The following KCNQ5 variants were observed in gnomAD, a reference collection of about 807,000 sequenced individuals.
The protein encoded by KCNQ5 is potassium voltage-gated channel subfamily Q member 5.
In KCNQ5, 30 loss-of-function variants were observed where a neutral mutation model predicts 98.2. That is an observed-to-expected ratio of 0.31 (90% confidence interval 0.23 to 0.41). KCNQ5 has a LOEUF of 0.41. KCNQ5 is among the 10% of genes least tolerant of loss of function. KCNQ5 has a pLI of 1.00. For synonymous variants in KCNQ5, 458 were observed against 449.4 expected (o/e 1.02, Z -0.24); for missense variants, 835 against 1,182.5 (o/e 0.71, Z 4.31).
intron 1 of KCNQ5, among the ~76,000 whole-genome samples, chr6:72,907,021 A>T (rs191957923): frequency 1.5e-3 from 226 of 152,358 alleles, no homozygotes; most frequent in Non-Finnish European, 2.6e-3. Context: ...CTTGTAGTCA[A>T]TGACTGTCAC....
At chr6:73,011,185 A>T (rs1203788510) in intron 2 of KCNQ5, among the ~76,000 whole-genome samples, 1 of 152,118 alleles carries the variant, frequency 6.6e-6, no homozygotes. Flanking sequence ...TATTTAAGCT[A>T]CAGTAATCAA....
At chr6:72,860,866 TG>T (rs1777738250) in intron 1 of KCNQ5, among the ~76,000 whole-genome samples, 1 of 151,440 alleles carries the variant, frequency 6.6e-6, no homozygotes, top group Admixed American at 6.6e-5. Context: ...TGTGTGTGTG[TG>T]TGTGTGTATG....
At chr6:73,175,330 A>G (rs1440197633) in intron 11 of KCNQ5, among the ~76,000 whole-genome samples, 43 of 152,050 alleles carry the variant, frequency 2.8e-4, no homozygotes, top group Non-Finnish European at 5.9e-5. Context: ...TTGTATTTTT[A>G]GTAGAGACAG....
intron 3 of KCNQ5, among the ~76,000 whole-genome samples, chr6:73,051,998 G>A (rs1772265644): frequency 6.6e-6 from 1 of 152,156 alleles, no homozygotes. Flanking sequence ...TTACAACAAA[G>A]TGATACAGGA....
intron 1 of KCNQ5, among the ~76,000 whole-genome samples, chr6:72,985,092 G>C (rs1002569886): frequency 6.6e-6 from 1 of 152,200 alleles, no homozygotes; most frequent in Non-Finnish European, 1.5e-5. Context: ...GGTAGTCCTA[G>C]ATACTTGGGA....
intron 3 of KCNQ5, among the ~76,000 whole-genome samples, chr6:73,059,243 C>T (rs1474654763): frequency 1.3e-5 from 2 of 152,106 alleles, no homozygotes; most frequent in Admixed American, 6.5e-5. Flanking sequence ...TAAAAAAGAA[C>T]AAGATCATGT....
At chr6:73,099,587 G>A (rs1774674027) in intron 5 of KCNQ5, among the ~76,000 whole-genome samples, 1 of 152,076 alleles carries the variant, frequency 6.6e-6, no homozygotes, top group Non-Finnish European at 1.5e-5. Context: ...GACAAGGAAG[G>A]TCATTATATA....
At chr6:73,001,411 A>G (rs1272371568) in intron 1 of KCNQ5, among the ~76,000 whole-genome samples, 1 of 152,234 alleles carries the variant, frequency 6.6e-6, no homozygotes, top group African/African-American at 2.4e-5. Context: ...ACTGTACCAA[A>G]GGCTACCAGC....
At chr6:72,803,652 A>T (rs1774781083) in intron 1 of KCNQ5, among the ~76,000 whole-genome samples, 1 of 152,058 alleles carries the variant, frequency 6.6e-6, no homozygotes, top group Non-Finnish European at 1.5e-5. Flanking sequence ...AAGAAAAAAT[A>T]CTCCTAATAT....
At chr6:72,658,578 A>ATATATATTTTTTTTT (rs1226386362) in intron 1 of KCNQ5, among the ~76,000 whole-genome samples, 16 of 76,368 alleles carry the variant, frequency 2.1e-4, no homozygotes, top group African/African-American at 7.0e-4. Context: ...ATATATATAT[A>ATATATATTTTTTTTT]TTTTTTTTTT....
rs2098925726 is a variant in KCNQ5, at chr6:72,638,984, AAGCAAGTGTGACTGTGACCACGCAGAAGT to A, written c.398+16398_398+16426del. Among the ~76,000 whole-genome samples the A allele has an allele frequency of 2.0e-5, 3 of 152,202 alleles. No homozygotes were observed. In the South Asian group the frequency reaches 6.2e-4, roughly 32 times the overall value. ...AAAGAATCAAAATGTTCTTGGTTCC[AAGCAAGTGTGACTGTGACCACGCAGAAGT>A]TACTCAATTCTGTTTTAGGTAAAGA... On this transcript the variant is annotated intron_variant, in intron 1 of 13. Coordinates refer to ENST00000370398, the MANE Select transcript of KCNQ5 (RefSeq NM_019842.4).
intron 1 of KCNQ5, among the ~76,000 whole-genome samples, chr6:72,686,914 C>G (rs955518970): frequency 2.6e-5 from 4 of 151,922 alleles, no homozygotes; most frequent in Non-Finnish European, 5.9e-5. Context: ...GAACATATCT[C>G]AAAAAGTCAT....
chr6:72,995,526 AT>A (rs1769255568), intron 1 of KCNQ5, among the ~76,000 whole-genome samples: 1 of 152,170 alleles, frequency 6.6e-6, no homozygotes, highest in South Asian at 2.1e-4. Flanking sequence ...AAATGTCTTG[AT>A]TTCAGCAAAG....
intron 2 of KCNQ5, among the ~76,000 whole-genome samples, chr6:73,036,856 G>T (rs1205136202): frequency 6.6e-6 from 1 of 152,094 alleles, no homozygotes; most frequent in Non-Finnish European, 1.5e-5. Context: ...TCTCTGACAC[G>T]AATGCCCAAG....
At chr6:72,941,028 G>A (rs982267568) in intron 1 of KCNQ5, among the ~76,000 whole-genome samples, 1 of 152,098 alleles carries the variant, frequency 6.6e-6, no homozygotes, top group East Asian at 1.9e-4. Flanking sequence ...GTCGAGTGGG[G>A]TCTTATTAAA....
At chr6:72,767,306 C>T (rs1772624228) in intron 1 of KCNQ5, among the ~76,000 whole-genome samples, 1 of 151,904 alleles carries the variant, frequency 6.6e-6, no homozygotes, top group African/African-American at 2.4e-5. Context: ...TGAAATTGGA[C>T]CCTTACCTCA....
At chr6:73,088,848 T>A (rs1774106998) in intron 5 of KCNQ5, among the ~76,000 whole-genome samples, 1 of 152,222 alleles carries the variant, frequency 6.6e-6, no homozygotes, top group Non-Finnish European at 1.5e-5. Flanking sequence ...TTTACCTCAA[T>A]CAATAAATTT....
In KCNQ5 at chr6:72,632,684, G is replaced by T. The variant is rs2098921685; in HGVS notation, c.398+10097G>T. On this transcript the variant is annotated intron_variant, in intron 1 of 13. Transcript: ENST00000370398. ...TTCTAAGTGAGAATATGTGGTACTT[G>T]GTTTTCTTTTCTTACATTAATTCAC... Among the ~76,000 whole-genome samples, 4 of 152,216 alleles carry T rather than the reference G, an allele frequency of 2.6e-5. No individual in the cohort carries two copies. In the South Asian group the frequency reaches 8.3e-4, roughly 32 times the overall value.
rs184569093 is a variant in KCNQ5 at position 72,831,729 on chromosome 6, T to A, written c.399-172179T>A. ...TGTACCCTAGAACTTAAAGTATAAT[T>A]TAAAAAAAAAATAAAATAAAATTAA... On this transcript the variant is annotated intron_variant, in intron 1 of 13. Transcript: ENST00000370398. 3.9e-5 allele frequency among the ~76,000 whole-genome samples: 5 copies of A among 127,970 alleles called. No individual in the cohort carries two copies. In the East Asian group the frequency reaches 9.4e-4, roughly 24 times the overall value. The allele number at this position is 127,970 out of a possible 152,430, so 84.0% of individuals were successfully genotyped here. A position where few individuals can be genotyped will look rare whatever the true frequency, so the allele number is the denominator to read the frequency against.
Sources: allele counts gnomAD v4.1 joint callset (sites outside exome capture counted in the v4.1 genomes callset), GRCh38; gene constraint gnomAD v4.1.1; transcripts MANE v1.5; gene names NCBI Gene and HGNC (gene_info 2026-07-23, HGNC 2026-07-21).